Variants in SLCO1C1 observed in about 807,000 individuals in gnomAD.
SLCO1C1 encodes the protein solute carrier organic anion transporter family member 1C1, also known as OAT-RP-5.
SLCO1C1 carries 70 observed loss-of-function variants against 76.4 expected under a neutral mutation model. That is an observed-to-expected ratio of 0.92 (90% confidence interval 0.76 to 1.12). The LOEUF (loss-of-function observed/expected upper bound fraction) is 1.12, where lower values mean the gene tolerates loss of function less well. Ranked by LOEUF, SLCO1C1 falls within the 50% of genes most tolerant of loss-of-function variation. The pLI is 0.00. For synonymous variants in SLCO1C1, 306 were observed against 286.1 expected (o/e 1.07, Z -0.70); for missense variants, 912 against 823.8 (o/e 1.11, Z -1.31).
chr12:20,716,995 T>G (rs1207999209), intron 6 of SLCO1C1, 137 bp from the exon 7 acceptor site: 1 of 686,342 alleles, frequency 1.5e-6, no homozygotes, highest in Admixed American at 3.3e-5. Flanking sequence ...GGTTTTAAAG[T>G]TAACTAAACA....
intron 13 of SLCO1C1, among the ~76,000 whole-genome samples, chr12:20,747,863 C>G (rs988650120): frequency 1.3e-5 from 2 of 152,074 alleles, no homozygotes; most frequent in Admixed American, 1.3e-4. Flanking sequence ...CAATGAACTC[C>G]CATTTATCAA....
rs535644098 is a variant in SLCO1C1, at chr12:20,710,643, A to G, written c.405-743A>G. On this transcript the variant is annotated intron_variant, in intron 4 of 14. Coordinates refer to ENST00000266509, the MANE Select transcript of SLCO1C1 (RefSeq NM_017435.5). ...AGGGGAAAGGGTGGAATTAGAAGTA[A>G]CTTGGTGCTATGCTAGTAAGCAGTA... Among the ~76,000 whole-genome samples the G allele has an allele frequency of 2.6e-5, 4 of 152,292 alleles. No homozygotes were observed. In the East Asian group the frequency reaches 7.7e-4, roughly 29 times the overall value.
intron 4 of SLCO1C1, 96 bp from the exon 5 acceptor site, chr12:20,711,290 T>C (rs1947084674): frequency 7.2e-7 from 1 of 1,381,784 alleles, no homozygotes; most frequent in Non-Finnish European, 9.7e-7. Context: ...AGCTGCAAGC[T>C]CAACCTGGTA....
chr12:20,750,933 C>T, intron 14 of SLCO1C1, 141 bp downstream of exon 14: 3 of 1,443,624 alleles, frequency 2.1e-6, no homozygotes, highest in Non-Finnish European at 2.9e-6. Flanking sequence ...GATCTGTAGT[C>T]ATAGAATAAT....
chr12:20,696,831 G>A (rs1384522000), intron 1 of SLCO1C1: 1 of 151,992 alleles, frequency 6.6e-6, no homozygotes, highest in Admixed American at 6.6e-5. Flanking sequence ...CTTTTTACAG[G>A]GGATGAACTG....
At position 20,732,653 on chromosome 12, in the gene SLCO1C1, A is replaced by G. The variant is rs1289819105; in HGVS notation, c.1187-256A>G. ...TGTTAATGCTGGAATTGGACCAGAA[A>G]GACCAGAAAGATTTATTGATTCATT... On this transcript the variant is annotated intron_variant, in intron 9 of 14. Transcript: ENST00000266509. Among the ~76,000 whole-genome samples, 11 of 152,192 alleles carry G rather than the reference A, an allele frequency of 7.2e-5. 1 individual carries two copies.
intron 9 of SLCO1C1, among the ~76,000 whole-genome samples, chr12:20,724,407 GTGTGTATATATATATATATATATATA>G (rs1413222432): frequency 5.5e-4 from 25 of 45,420 alleles, no homozygotes; most frequent in African/African-American, 1.9e-3. Context: ...GTGTGTGTGT[GTGTGTATATATATATATATATATATA>G]TATATATATA....
In SLCO1C1 at chr12:20,727,260, C is replaced by G. The variant is rs11045414; in HGVS notation, c.1186+4006C>G. Among the ~76,000 whole-genome samples the G allele has an allele frequency of 1.4e-4, 21 of 152,232 alleles. No individual in the cohort carries two copies. In the East Asian group the frequency reaches 3.9e-3, roughly 28 times the overall value. The stretch of plus-strand genomic sequence containing the variant: ...TCAAATGGTAGTTAAACTCTTAGTT[C>G]TTTGAGAAATATCCAAACTGTTCTC... On this transcript the variant is annotated intron_variant, in intron 9 of 14. Transcript: ENST00000266509.
In SLCO1C1 at chr12:20,740,282, A is replaced by C. The variant is rs780025393; in HGVS notation, c.1647A>C (p.Gln549His). The C allele has an allele frequency of 6.2e-7, 1 of 1,613,780 alleles. No individual in the cohort carries two copies. The highest frequency in any genetic ancestry group is 1.3e-5 in the African/African-American group (1 of 74,922). The part of the protein sequence containing the change: ...GRCQKDNGCP[Q>H]MFLYFLVISV... The stretch of plus-strand genomic sequence containing the variant: ...GTCAGAAAGACAATGGATGTCCCCA[A>C]ATGTTTCTGTATTTCCTTGTAATTT... Residue 549 changes from glutamine (Q) to histidine (H), a missense_variant, in exon 12 of 15, where the codon CAA becomes CAC. Transcript: ENST00000266509.
intron 1 of SLCO1C1, among the ~76,000 whole-genome samples, chr12:20,696,288 G>T (rs770698759): frequency 9.9e-5 from 15 of 152,114 alleles, no homozygotes; most frequent in Non-Finnish European, 2.2e-4. Context: ...GCATCCTGGT[G>T]TCCAGAAGTC....
intron 3 of SLCO1C1, among the ~76,000 whole-genome samples, chr12:20,701,764 A>G (rs537913183): frequency 2.0e-5 from 3 of 151,914 alleles, no homozygotes; most frequent in Non-Finnish European, 4.4e-5. Context: ...ATTTTGAGTT[A>G]TAAATATGTA....
chr12:20,727,670 C>A (rs892243041), intron 9 of SLCO1C1, among the ~76,000 whole-genome samples: 1 of 152,066 alleles, frequency 6.6e-6, no homozygotes, highest in Non-Finnish European at 1.5e-5. Flanking sequence ...CCACCACGCC[C>A]GGCTAATTTT....
chr12:20,714,861 A>G (rs1947288528), intron 5 of SLCO1C1, among the ~76,000 whole-genome samples: 1 of 152,216 alleles, frequency 6.6e-6, no homozygotes. Context: ...AGCTCAAGGT[A>G]GGAATGAAAT....
chr12:20,744,965 A>G (rs542605285), intron 13 of SLCO1C1, among the ~76,000 whole-genome samples: 1 of 152,158 alleles, frequency 6.6e-6, no homozygotes, highest in Non-Finnish European at 1.5e-5. Context: ...ATCTAATGTT[A>G]CCGAGTGATC....
At chr12:20,710,998 T>C (rs1316092533) in intron 4 of SLCO1C1, among the ~76,000 whole-genome samples, 11 of 150,878 alleles carry the variant, frequency 7.3e-5, no homozygotes. Context: ...TTGGGTTCCC[T>C]GGGCCACATT....
Position 20,715,240 on chromosome 12 carries a change from T to C in SLCO1C1, c.631T>C (p.Tyr211His), listed in dbSNP as rs1565512206. The change falls in exon 6 of 15, where the codon TAC becomes CAC. Residue 211 changes from tyrosine (Y) to histidine (H), a missense_variant. Physicochemically the swap from Tyr to His is moderately conservative, Grantham distance 83. Coordinates refer to ENST00000266509, the MANE Select transcript of SLCO1C1 (RefSeq NM_017435.5). ...ETPIQPLGIA[Y>H]LDDFASEDNA... is the part of the protein sequence containing the mutation. ...TCCCATTCAGCCTTTGGGCATTGCCTACCTGGATGATTTTGCCAGTGAAGA... is the reference window on the plus strand; with the variant it reads ...TCCCATTCAGCCTTTGGGCATTGCCCACCTGGATGATTTTGCCAGTGAAGA... 1.2e-6 allele frequency: 2 copies of C among 1,614,090 alleles called. No individual in the cohort carries two copies. Among genetic ancestry groups the C allele is most frequent in the Non-Finnish European group, 1.7e-6 (2 of 1,179,936 alleles).
chr12:20,707,343 G>A (rs1946830133), intron 4 of SLCO1C1, among the ~76,000 whole-genome samples: 1 of 152,010 alleles, frequency 6.6e-6, no homozygotes. Context: ...ATCTTTAGTT[G>A]TGTTGCTGTT....
intron 5 of SLCO1C1, 35 bp from the exon 6 acceptor site, chr12:20,715,104 C>A (rs892283138): frequency 6.2e-7 from 1 of 1,611,476 alleles, no homozygotes; most frequent in Non-Finnish European, 8.5e-7. Context: ...TTAAAGTGAT[C>A]TATTTTCAAT....
chr12:20,713,382 T>G (rs1425510237), intron 5 of SLCO1C1, among the ~76,000 whole-genome samples: 1 of 152,204 alleles, frequency 6.6e-6, no homozygotes, highest in Non-Finnish European at 1.5e-5. Flanking sequence ...CCCGGCCAGA[T>G]GTTTTCTTTT....
Sources: allele counts gnomAD v4.1 joint callset (sites outside exome capture counted in the v4.1 genomes callset), GRCh38; gene constraint gnomAD v4.1.1; transcripts MANE v1.5; gene names NCBI Gene and HGNC (gene_info 2026-07-23, HGNC 2026-07-21).